The following RANBP2 variants were observed in gnomAD, a reference collection of about 807,000 sequenced individuals.
The protein encoded by RANBP2 is RAN binding protein 2.
In RANBP2, 57 loss-of-function variants were observed where a neutral mutation model predicts 303.6. The observed-to-expected ratio is 0.19, with a 90% CI of 0.15 to 0.23. RANBP2 has a LOEUF of 0.23. Ranked by LOEUF, RANBP2 falls within the 10% of genes least tolerant of loss-of-function variation. RANBP2 has a pLI of 1.00. For missense variants in RANBP2, 3,138 were observed against 3,780.8 expected (o/e 0.83, Z 4.46); for synonymous variants, 1,167 against 1,301.5 (o/e 0.90, Z 2.23).
chr2:109,658,971 A>G, the RANBP2 span, among the ~76,000 whole-genome samples: 2 of 152,108 alleles, frequency 1.3e-5, no homozygotes, highest in Non-Finnish European at 2.9e-5. Context: ...AGTCTGAGGC[A>G]TGAGAATGGC....
At chr2:109,483,790 G>A in the RANBP2 span, among the ~76,000 whole-genome samples, 1 of 152,130 alleles carries the variant, frequency 6.6e-6, no homozygotes, top group East Asian at 1.9e-4. Context: ...TCCCCAGGCT[G>A]CAGGCGCTGG....
chr2:109,602,901 CAA>C, the RANBP2 span, among the ~76,000 whole-genome samples: 58 of 110,332 alleles, frequency 5.3e-4, no homozygotes, highest in Middle Eastern at 5.1e-3. Context: ...GACCCTGTCT[CAA>C]AAAAAAAAAA....
At chr2:109,288,480 A>G in the RANBP2 span, among the ~76,000 whole-genome samples, 1 of 152,220 alleles carries the variant, frequency 6.6e-6, no homozygotes, top group Non-Finnish European at 1.5e-5. Context: ...GATGTCATTA[A>G]GGAAATTATT....
the RANBP2 span, among the ~76,000 whole-genome samples, chr2:108,791,992 TA>T: frequency 1.3e-5 from 2 of 152,234 alleles, no homozygotes; most frequent in Admixed American, 1.3e-4. Flanking sequence ...TAAACTTCAT[TA>T]TTTTTCAGTA....
chr2:108,819,591 T>C, the RANBP2 span, among the ~76,000 whole-genome samples: 1 of 152,142 alleles, frequency 6.6e-6, no homozygotes, highest in Non-Finnish European at 1.5e-5. Context: ...GCTAGGGAAA[T>C]TAAGACTGTC....
the RANBP2 span, among the ~76,000 whole-genome samples, chr2:108,931,777 T>C: frequency 6.6e-6 from 1 of 152,200 alleles, no homozygotes; most frequent in South Asian, 2.1e-4. Flanking sequence ...CCTGTGTTTC[T>C]GACTCAAAGC....
chr2:108,846,877 A>G, the RANBP2 span: 22 of 1,613,588 alleles, frequency 1.4e-5, no homozygotes, highest in South Asian at 2.2e-5. Flanking sequence ...AAGAGCTCCA[A>G]TTTGCCATTG....
the RANBP2 span, among the ~76,000 whole-genome samples, chr2:109,619,347 T>C: frequency 2.7e-4 from 41 of 151,874 alleles, no homozygotes; most frequent in African/African-American, 9.7e-4. Flanking sequence ...AAAAAAAAGC[T>C]GTATGGGTTT....
At chr2:108,948,963 A>T in the RANBP2 span, among the ~76,000 whole-genome samples, 16 of 152,220 alleles carry the variant, frequency 1.1e-4, 1 homozygote, top group African/African-American at 2.4e-4. Context: ...TAAAAAACTT[A>T]AAAAAATTAG....
the RANBP2 span, among the ~76,000 whole-genome samples, chr2:108,861,169 G>C: frequency 6.6e-6 from 1 of 151,284 alleles, no homozygotes; most frequent in African/African-American, 2.4e-5. Context: ...GGGATTAGCT[G>C]TAATGTCACC....
At chr2:108,794,653 C>G in the RANBP2 span, 1 of 1,613,976 alleles carries the variant, frequency 6.2e-7, no homozygotes, top group Non-Finnish European at 8.5e-7. Context: ...ATCAGACAAG[C>G]GGAGTTTACT....
At chr2:109,541,981 T>C in the RANBP2 span, among the ~76,000 whole-genome samples, 33 of 152,348 alleles carry the variant, frequency 2.2e-4, no homozygotes, top group African/African-American at 7.7e-4. Context: ...TTTTTCCTTG[T>C]GTTGCTTTGA....
the RANBP2 span, among the ~76,000 whole-genome samples, chr2:108,967,443 C>G: frequency 6.6e-6 from 1 of 152,136 alleles, no homozygotes; most frequent in Admixed American, 6.5e-5. Flanking sequence ...GAAGGGGAAG[C>G]CTGCTGTTCT....
At chr2:109,616,146 A>G in the RANBP2 span, 1 of 1,410,708 alleles carries the variant, frequency 7.1e-7, no homozygotes, top group Admixed American at 3.3e-5. Flanking sequence ...AAGTGAGACC[A>G]GAAGGACAAG....
At chr2:109,288,941 A>C in the RANBP2 span, among the ~76,000 whole-genome samples, 1 of 152,228 alleles carries the variant, frequency 6.6e-6, no homozygotes, top group Non-Finnish European at 1.5e-5. Context: ...ACCCATAGCT[A>C]TGAATAAATT....
At chr2:109,469,560 T>C in the RANBP2 span, among the ~76,000 whole-genome samples, 1 of 152,072 alleles carries the variant, frequency 6.6e-6, no homozygotes, top group South Asian at 2.1e-4. Flanking sequence ...TAACAGTTAA[T>C]GTGTCCTCTG....
In RANBP2 at chr2:108,766,534, G is replaced by C. The variant is rs779917838; in HGVS notation, c.5995G>C (p.Asp1999His). The change falls in exon 20 of 29, where the codon GAT becomes CAT. Residue 1999 changes from aspartate (D) to histidine (H), a missense_variant. By Grantham distance (81) the Asp-to-His change is moderately conservative. Around this residue, in one of 20 missense-constraint regions of RANBP2, gnomAD observed 348 missense variants for 360.4 expected, o/e 0.97. Coordinates refer to ENST00000283195, the MANE Select transcript of RANBP2 (RefSeq NM_006267.5). ...KANTSGDFEK[D>H]DDAYKTEDSD... ...AAACACTTCCGGTGACTTTGAGAAA[G>C]ATGATGATGCCTATAAGACTGAGGA... The C allele has an allele frequency of 1.2e-6, 2 of 1,611,954 alleles. No homozygotes were observed. Among genetic ancestry groups the C allele is most frequent in the South Asian group, 2.2e-5 (2 of 90,982 alleles).
the RANBP2 span, among the ~76,000 whole-genome samples, chr2:109,735,825 ACT>A: frequency 1.3e-5 from 2 of 152,040 alleles, no homozygotes; most frequent in African/African-American, 4.8e-5. Context: ...GAAGTTTGAA[ACT>A]CTGCCTTCAG....
chr2:108,748,779 T>TG lies in RANBP2; in HGVS notation c.1064-140dup. 2.7e-6 allele frequency: 4 copies of TG among 1,499,532 alleles called. No homozygotes were observed. In the South Asian group the frequency reaches 4.7e-5, roughly 18 times the overall value. 92.9% of individuals were successfully genotyped at this position (1,499,532 alleles called of 1,614,324 possible). On this transcript the variant is annotated intron_variant, in intron 8 of 28. Transcript: ENST00000283195. Reference sequence around the variant, plus strand: ...TTTGCTACATAAGCACCGGTTTTGTTGTCCAGCTGTATTTTTTGGGTTGGA... The same window carrying TG: ...TTTGCTACATAAGCACCGGTTTTGTTGGTCCAGCTGTATTTTTTGGGTTGGA...
Sources: allele counts gnomAD v4.1 joint callset (sites outside exome capture counted in the v4.1 genomes callset), GRCh38; gene constraint gnomAD v4.1.1; regional missense constraint gnomAD v4.1.1; transcripts MANE v1.5; gene names NCBI Gene and HGNC (gene_info 2026-07-23, HGNC 2026-07-21).